The following ABAT variants were observed in gnomAD, a reference collection of about 807,000 sequenced individuals.
ABAT encodes the protein 4-aminobutyrate aminotransferase, mitochondrial.
ABAT carries 45 observed loss-of-function variants against 64.6 expected under a neutral mutation model. The observed-to-expected ratio is 0.70, with a 90% CI of 0.55 to 0.89. ABAT has a LOEUF of 0.89. Ranked by LOEUF, ABAT falls within the 40% of genes least tolerant of loss-of-function variation. The probability of loss-of-function intolerance (pLI) is 0.00; values close to 1 mark genes in which losing one functional copy is unlikely to be tolerated. For missense variants in ABAT, 633 were observed against 658.4 expected (o/e 0.96, Z 0.42); for synonymous variants, 297 against 250.5 (o/e 1.19, Z -1.75).
chr16:8,727,033 G>A (rs971993545), intron 1 of ABAT, among the ~76,000 whole-genome samples: 10 of 152,058 alleles, frequency 6.6e-5, no homozygotes, highest in African/African-American at 1.7e-4. Flanking sequence ...TTTTTTGATC[G>A]AATTATGAGA....
chr16:8,764,665 A>G lies in ABAT; in HGVS notation c.448-73A>G, dbSNP rs2059891714. The stretch of plus-strand genomic sequence containing the variant: ...CCCGGTACGGCCCCTGCGAAGATTC[A>G]GCTCCAGCCAGGGGAAGCGGGAGGA... On this transcript the variant is annotated intron_variant, in intron 7 of 15. Transcript: ENST00000268251. This position sits in a 1 kb window ranked among gnomAD's most constrained non-coding sequence, Gnocchi z 4.2. 8 of 1,399,662 alleles carry G rather than the reference A, an allele frequency of 5.7e-6. No homozygotes were observed. The Admixed American group carries it at 1.3e-4, about 23-fold the overall frequency. The allele number at this position is 1,399,662 out of a possible 1,614,324, so 86.7% of individuals were successfully genotyped here.
chr16:8,721,577 G>C (rs1374810747), intron 1 of ABAT, among the ~76,000 whole-genome samples: 1 of 152,132 alleles, frequency 6.6e-6, no homozygotes, highest in East Asian at 1.9e-4. Flanking sequence ...TTCTGAACCG[G>C]TTTTATAACG....
At chr16:8,763,065 C>T (rs571095137) in intron 6 of ABAT, among the ~76,000 whole-genome samples, 10 of 146,198 alleles carry the variant, frequency 6.8e-5, no homozygotes, top group African/African-American at 1.8e-4. Context: ...GCTGATATCA[C>T]GCTACTGCAC....
intron 1 of ABAT, among the ~76,000 whole-genome samples, chr16:8,726,637 A>G (rs909117809): frequency 6.6e-6 from 1 of 152,190 alleles, no homozygotes; most frequent in Non-Finnish European, 1.5e-5. Context: ...ATTGTAAGCA[A>G]TGCTGCAACA....
intron 1 of ABAT, among the ~76,000 whole-genome samples, chr16:8,694,185 A>G (rs2057648421): frequency 1.4e-5 from 2 of 139,308 alleles, no homozygotes; most frequent in Admixed American, 7.5e-5. Context: ...GCCCGCCACA[A>G]TGCCCAGATT....
At chr16:8,686,919 T>G in intron 1 of ABAT, among the ~76,000 whole-genome samples, 1 of 152,204 alleles carries the variant, frequency 6.6e-6, no homozygotes, top group East Asian at 1.9e-4. Flanking sequence ...AGTGCTTTCC[T>G]TAGCCCCAGA....
chr16:8,745,427 T>C (rs2059300726), intron 2 of ABAT, among the ~76,000 whole-genome samples: 1 of 152,106 alleles, frequency 6.6e-6, no homozygotes, highest in Non-Finnish European at 1.5e-5. Context: ...TCAGGCATGG[T>C]GGCTCACACC....
intron 1 of ABAT, among the ~76,000 whole-genome samples, chr16:8,697,741 T>G (rs2057735592): frequency 6.6e-6 from 1 of 152,120 alleles, no homozygotes; most frequent in African/African-American, 2.4e-5. Context: ...GTTCAAGAGA[T>G]TCTCCTGCCT....
rs2059883420 is a variant in ABAT, at chr16:8,764,404, C to G, written c.447+255C>G. Among the ~76,000 whole-genome samples the G allele has an allele frequency of 6.6e-6, 1 of 152,124 alleles. No individual in the cohort carries two copies. Among genetic ancestry groups the G allele is most frequent in the Admixed American group, 6.5e-5 (1 of 15,274 alleles). On this transcript the variant is annotated intron_variant, in intron 7 of 15. Coordinates refer to ENST00000268251, the MANE Select transcript of ABAT (RefSeq NM_020686.6). The surrounding 1 kb of genome is among the most constrained non-coding windows in gnomAD (Gnocchi z 4.2). ...CTTGCATATGTCATTCAATCCTGCC[C>G]CCACTTCTCGGTTTTAGTTACTACA...
At chr16:8,758,762 T>C (rs143869798) in intron 6 of ABAT, among the ~76,000 whole-genome samples, 3,185 of 152,252 alleles carry the variant, frequency 0.021, 119 homozygotes, top group African/African-American at 0.072. Flanking sequence ...ACATGACACC[T>C]GTCTCTATCC....
chr16:8,718,890 G>A (rs980707677), intron 1 of ABAT, among the ~76,000 whole-genome samples: 2 of 152,186 alleles, frequency 1.3e-5, no homozygotes, highest in Non-Finnish European at 2.9e-5. Context: ...ATGCTGCCAG[G>A]CACACAGCGT....
At position 8,766,200 on chromosome 16, in the gene ABAT, T is replaced by C. The variant is rs1425114793; in HGVS notation, c.541-8T>C. 5 of 1,613,746 alleles carry C rather than the reference T, an allele frequency of 3.1e-6. No individual in the cohort carries two copies. Among genetic ancestry groups the C allele is most frequent in the African/African-American group, 1.3e-5 (1 of 74,922 alleles). On this transcript the variant is annotated splice_region_variant and splice_polypyrimidine_tract_variant and intron_variant, in intron 8 of 15. Coordinates refer to ENST00000268251, the MANE Select transcript of ABAT (RefSeq NM_020686.6). ...TCTCTGAGATTTTGTTCTGTTCTAT[T>C]GTTTCAGAGCAAGGAAAGAGGGCAG...
At chr16:8,683,873 A>G (rs1290899765) in intron 1 of ABAT, among the ~76,000 whole-genome samples, 2 of 140,358 alleles carry the variant, frequency 1.4e-5, no homozygotes, top group South Asian at 2.3e-4. Flanking sequence ...TCATTCGTCA[A>G]TGAGTGTGTT....
chr16:8,708,929 T>G (rs530858168), intron 1 of ABAT, among the ~76,000 whole-genome samples: 138 of 152,296 alleles, frequency 9.1e-4, no homozygotes, highest in South Asian at 3.1e-3. Flanking sequence ...TACACTCACT[T>G]TAGGTGTATG....
intron 1 of ABAT, among the ~76,000 whole-genome samples, chr16:8,693,115 A>G (rs150115653): frequency 0.024 from 3,639 of 152,252 alleles, 141 homozygotes; most frequent in African/African-American, 0.083. Context: ...TCAGACTCCC[A>G]AAGTGTTGGG....
intron 1 of ABAT, among the ~76,000 whole-genome samples, chr16:8,719,632 A>T (rs758719548): frequency 4.6e-5 from 7 of 152,168 alleles, no homozygotes; most frequent in Non-Finnish European, 8.8e-5. Flanking sequence ...GGACCACCGC[A>T]TGTGCCAATA....
At chr16:8,721,139 C>T (rs992764173) in intron 1 of ABAT, among the ~76,000 whole-genome samples, 1 of 152,028 alleles carries the variant, frequency 6.6e-6, no homozygotes, top group Non-Finnish European at 1.5e-5. Flanking sequence ...TGAGGTTATA[C>T]GGCGGGTCAG....
intron 1 of ABAT, among the ~76,000 whole-genome samples, chr16:8,702,466 T>G (rs1331527747): frequency 6.6e-6 from 1 of 152,122 alleles, no homozygotes; most frequent in Non-Finnish European, 1.5e-5. Context: ...TTGGCCAGGC[T>G]GGTCTCGAAC....
chr16:8,682,353 A>G (rs1022953446), intron 1 of ABAT, among the ~76,000 whole-genome samples: 4 of 152,132 alleles, frequency 2.6e-5, no homozygotes, highest in African/African-American at 7.2e-5. Flanking sequence ...GAATGAATGG[A>G]TGAATAAATG....
Sources: allele counts gnomAD v4.1 joint callset (sites outside exome capture counted in the v4.1 genomes callset), GRCh38; gene constraint gnomAD v4.1.1; non-coding constraint Gnocchi (gnomAD v3.1); transcripts MANE v1.5; gene names NCBI Gene and HGNC (gene_info 2026-07-23, HGNC 2026-07-21).